Variants in USP34 observed in about 807,000 individuals in gnomAD.
USP34 encodes the protein ubiquitin carboxyl-terminal hydrolase 34.
In USP34, 70 loss-of-function variants were observed where a neutral mutation model predicts 460.3. The ratio of observed to expected loss-of-function variants is 0.15; its 90% CI spans 0.13 to 0.19. The LOEUF (loss-of-function observed/expected upper bound fraction) is 0.19, where lower values mean the gene tolerates loss of function less well. Among genes scored for constraint, USP34 ranks in the 10% least tolerant of loss-of-function variants. The probability of loss-of-function intolerance (pLI) is 1.00; values close to 1 mark genes in which losing one functional copy is unlikely to be tolerated. For missense variants in USP34, 3,985 were observed against 4,236.2 expected, an observed-to-expected ratio of 0.94 and a Z score of 1.65; for synonymous variants, 1,647 against 1,405.3, an observed-to-expected ratio of 1.17 and a Z score of -3.85.
At position 61,462,138 on chromosome 2, in the gene USP34, T is replaced by C. The variant is rs913339691; in HGVS notation, c.43+8512A>G. Among the ~76,000 whole-genome samples, 9 of 150,252 alleles carry C rather than the reference T, an allele frequency of 6.0e-5. No individual in the cohort carries two copies. In the East Asian group the frequency reaches 1.2e-3, roughly 20 times the overall value. On this transcript the variant is annotated intron_variant, in intron 1 of 79. Coordinates refer to ENST00000398571, the MANE Select transcript of USP34 (RefSeq NM_014709.4). ...CCTGTAATCACAGCTACCCAGGAGGTTGAGGCAGGAAAATCGCTTGAACCC... is the reference window on the plus strand; with the variant it reads ...CCTGTAATCACAGCTACCCAGGAGGCTGAGGCAGGAAAATCGCTTGAACCC...
At chr2:61,461,655 G>C (rs1412869309) in intron 1 of USP34, among the ~76,000 whole-genome samples, 1 of 152,096 alleles carries the variant, frequency 6.6e-6, no homozygotes, top group Non-Finnish European at 1.5e-5. Context: ...ACCATGCCCT[G>C]CTAAAATAAC....
chr2:61,269,844 C>T (rs1689160379), intron 41 of USP34, among the ~76,000 whole-genome samples: 1 of 151,978 alleles, frequency 6.6e-6, no homozygotes, highest in African/African-American at 2.4e-5. Context: ...CACATAAATA[C>T]AATGTGTAAT....
chr2:61,241,842 T>C, intron 51 of USP34, 23 bp from the exon 52 acceptor site: 1 of 1,395,046 alleles, frequency 7.2e-7, no homozygotes, highest in Non-Finnish European at 9.7e-7. Context: ...ACAAAAGTTT[T>C]ACTTCTTTGA....
At chr2:61,354,004 G>C (rs1377464465) in intron 10 of USP34, among the ~76,000 whole-genome samples, 1 of 152,098 alleles carries the variant, frequency 6.6e-6, no homozygotes, top group Admixed American at 6.5e-5. Flanking sequence ...AAAATGAATA[G>C]CCTAAGGGAC....
In USP34 at chr2:61,288,841, T is replaced by C. The variant is rs1420526146; in HGVS notation, c.4585A>G (p.Ile1529Val). The C allele has an allele frequency of 1.5e-5, 25 of 1,613,414 alleles. 1 individual carries two copies. The highest frequency in any genetic ancestry group is 1.9e-5 in the Non-Finnish European group (22 of 1,179,916). Residue 1529 changes from isoleucine (I) to valine (V), a missense_variant, in exon 34 of 80, where the codon ATA becomes GTA. Around this residue, in one of 14 missense-constraint regions of USP34, gnomAD observed 1,114 missense variants for 1,122.5 expected, o/e 0.99. Coordinates refer to ENST00000398571, the MANE Select transcript of USP34 (RefSeq NM_014709.4). The part of the protein sequence containing the change: ...LDCLACLLKL[I>V]CQFAVDPSDL... ...GATGGATCTACTGCAAACTGGCATA[T>C]TAACTTCAGCAAGCAAGCAAGACAG...
In USP34 at chr2:61,456,166, A is replaced by T. The variant is rs1279618773; in HGVS notation, c.43+14484T>A. 2.0e-5 allele frequency among the ~76,000 whole-genome samples: 3 copies of T among 152,218 alleles called. No individual in the cohort carries two copies. The East Asian group carries it at 5.8e-4, about 29-fold the overall frequency. On this transcript the variant is annotated intron_variant, in intron 1 of 79. Transcript: ENST00000398571. ...AACTCAGTAAATACAATATTAAGAA[A>T]TGGTTTTCAGTGTATTAGATATCCG...
intron 1 of USP34, among the ~76,000 whole-genome samples, chr2:61,425,407 A>G (rs1694483051): frequency 6.6e-6 from 1 of 152,120 alleles, no homozygotes; most frequent in African/African-American, 2.4e-5. Context: ...TCCCCCAGCC[A>G]GCAGCAAAAG....
At chr2:61,274,045 T>C (rs1412611202) in intron 41 of USP34, among the ~76,000 whole-genome samples, 1 of 151,680 alleles carries the variant, frequency 6.6e-6, no homozygotes, top group African/African-American at 2.4e-5. Context: ...CAGTATCTAG[T>C]AGCTGTAAAA....
chr2:61,336,892 C>T (rs925180624), intron 18 of USP34, among the ~76,000 whole-genome samples: 2 of 150,646 alleles, frequency 1.3e-5, no homozygotes, highest in African/African-American at 4.9e-5. Flanking sequence ...TACACTCTGA[C>T]TTATTTCTTA....
intron 20 of USP34, among the ~76,000 whole-genome samples, chr2:61,328,188 G>A (rs1007779086): frequency 1.3e-5 from 2 of 151,780 alleles, no homozygotes; most frequent in Non-Finnish European, 2.9e-5. Flanking sequence ...TGGATTCCCA[G>A]CTACTCGGGA....
At position 61,376,725 on chromosome 2, in the gene USP34, T is replaced by C. The variant is rs544885790; in HGVS notation, c.1076+1638A>G. Among the ~76,000 whole-genome samples the C allele has an allele frequency of 1.1e-4, 14 of 132,810 alleles. No homozygotes were observed. In the South Asian group the frequency reaches 1.8e-3, roughly 17 times the overall value. 87.1% of individuals were successfully genotyped at this position (132,810 alleles called of 152,430 possible). On this transcript the variant is annotated intron_variant, in intron 8 of 79. Transcript: ENST00000398571. ...TGAAAATGGCACCATCTCGGGTCACTGCAATCTCTGTCTCCGGGTTTAAGT... is the reference window on the plus strand; with the variant it reads ...TGAAAATGGCACCATCTCGGGTCACCGCAATCTCTGTCTCCGGGTTTAAGT...
chr2:61,345,242 C>G (rs1691731403), intron 15 of USP34, among the ~76,000 whole-genome samples: 1 of 151,076 alleles, frequency 6.6e-6, no homozygotes, highest in South Asian at 2.1e-4. Flanking sequence ...CCACTGCACT[C>G]CAGCCTGAAC....
At chr2:61,459,750 C>G (rs1695546068) in intron 1 of USP34, among the ~76,000 whole-genome samples, 2 of 144,054 alleles carry the variant, frequency 1.4e-5, no homozygotes, top group African/African-American at 5.3e-5. Flanking sequence ...GCACTCCAGC[C>G]TGGGCTACAG....
intron 41 of USP34, among the ~76,000 whole-genome samples, chr2:61,267,314 AC>A (rs1480764447): frequency 6.6e-6 from 1 of 152,198 alleles, no homozygotes; most frequent in African/African-American, 2.4e-5. Flanking sequence ...CGTACCAAAA[AC>A]AGAAATTTTT....
At chr2:61,297,933 A>C (rs1224091512) in intron 29 of USP34, among the ~76,000 whole-genome samples, 1 of 152,208 alleles carries the variant, frequency 6.6e-6, no homozygotes, top group Admixed American at 6.5e-5. Context: ...GCAACCCTCG[A>C]GTAACACTTG....
At chr2:61,402,600 A>G (rs1693755114) in intron 3 of USP34, among the ~76,000 whole-genome samples, 1 of 152,206 alleles carries the variant, frequency 6.6e-6, no homozygotes, top group South Asian at 2.1e-4. Context: ...GTAGGTTTCT[A>G]AAGACACAGC....
At chr2:61,426,644 G>C (rs561698166) in intron 1 of USP34, among the ~76,000 whole-genome samples, 20 of 152,350 alleles carry the variant, frequency 1.3e-4, no homozygotes, top group African/African-American at 4.6e-4. Context: ...TTGCTGCCCT[G>C]AAGGAAGGAT....
intron 41 of USP34, among the ~76,000 whole-genome samples, chr2:61,268,819 T>G (rs1282829655): frequency 6.6e-6 from 1 of 152,136 alleles, no homozygotes; most frequent in Admixed American, 6.5e-5. Flanking sequence ...CACCTACAAC[T>G]ATATTAATAA....
intron 75 of USP34, among the ~76,000 whole-genome samples, chr2:61,201,374 T>C (rs1686972128): frequency 6.6e-6 from 1 of 152,026 alleles, no homozygotes; most frequent in Non-Finnish European, 1.5e-5. Context: ...CGTACCACCA[T>C]GCCTAGCTAA....
Sources: allele counts gnomAD v4.1 joint callset (sites outside exome capture counted in the v4.1 genomes callset), GRCh38; gene constraint gnomAD v4.1.1; regional missense constraint gnomAD v4.1.1; transcripts MANE v1.5; gene names NCBI Gene and HGNC (gene_info 2026-07-23, HGNC 2026-07-21).